The following TMEM232 variants were observed in gnomAD, a reference collection of about 807,000 sequenced individuals.
TMEM232 encodes the protein transmembrane protein 232.
Under a neutral mutation model 78.8 loss-of-function variants are expected in TMEM232, and 80 were observed. That is an observed-to-expected ratio of 1.01 (90% confidence interval 0.85 to 1.22). The LOEUF (loss-of-function observed/expected upper bound fraction) is 1.22. TMEM232 is among the 50% of genes most tolerant of loss of function. The probability of loss-of-function intolerance (pLI) is 0.00; values close to 1 mark genes in which losing one functional copy is unlikely to be tolerated. For synonymous variants in TMEM232, 297 were observed against 254.3 expected (o/e 1.17, Z -1.60); for missense variants, 881 against 742.2 (o/e 1.19, Z -2.17).
intron 1 of TMEM232, among the ~76,000 whole-genome samples, chr5:110,722,387 G>C (rs764061446): frequency 2.3e-4 from 35 of 152,124 alleles, no homozygotes; most frequent in Admixed American, 1.0e-3. Context: ...GGTTCAGTCA[G>C]TCAGTCAGCT....
intron 11 of TMEM232, among the ~76,000 whole-genome samples, chr5:110,544,210 T>G (rs1773499010): frequency 6.6e-6 from 1 of 152,084 alleles, no homozygotes; most frequent in Admixed American, 6.6e-5. Context: ...AAGAAACAAA[T>G]GGGAATTTTA....
At chr5:110,616,195 A>C (rs947456524) in intron 8 of TMEM232, among the ~76,000 whole-genome samples, 1 of 152,104 alleles carries the variant, frequency 6.6e-6, no homozygotes, top group South Asian at 2.1e-4. Flanking sequence ...ATAGTAATCA[A>C]AACAGCACGG....
chr5:110,597,991 A>G lies in TMEM232; in HGVS notation c.1276+7118T>C, dbSNP rs555458366. On this transcript the variant is annotated intron_variant, in intron 10 of 13. Transcript: ENST00000455884. ...GTCTAAAACACCAAAAGCAATGGCA[A>G]CAGAAGCCAAAATTGACAAATGGGA... Among the ~76,000 whole-genome samples, 467 of 152,318 alleles carry G rather than the reference A, an allele frequency of 3.1e-3. 3 individuals carry two copies. Among genetic ancestry groups the G allele is most frequent in the African/African-American group, 0.011 (444 of 41,572 alleles).
At position 110,605,153 on chromosome 5, in the gene TMEM232, A is replaced by G; in HGVS notation, c.1232T>C (p.Ile411Thr). Residue 411 changes from isoleucine (I) to threonine (T), a missense_variant, in exon 10 of 14, where the codon ATT becomes ACT. Physicochemically the swap from Ile to Thr is moderately conservative, Grantham distance 89. Transcript: ENST00000455884. ...AGAGAAATATTCCAAAAGACTTAAAATACTTGTTTCCTTTAATTCTGGAGG... is the reference window on the plus strand; with the variant it reads ...AGAGAAATATTCCAAAAGACTTAAAGTACTTGTTTCCTTTAATTCTGGAGG... ...SVPPELKETSILSLLEYFSSK... is the reference protein window; with the variant it reads ...SVPPELKETSTLSLLEYFSSK... The G allele has an allele frequency of 6.5e-7, 1 of 1,549,004 alleles. No individual in the cohort carries two copies. The highest frequency in any genetic ancestry group is 8.7e-7 in the Non-Finnish European group (1 of 1,145,582).
At chr5:110,438,960 G>A (rs1000471437) in intron 12 of TMEM232, among the ~76,000 whole-genome samples, 9 of 152,068 alleles carry the variant, frequency 5.9e-5, no homozygotes, top group African/African-American at 2.2e-4. Context: ...TCTTAAAGCA[G>A]GAGGTTAAAA....
At chr5:110,711,467 A>G (rs1354764818) in intron 1 of TMEM232, among the ~76,000 whole-genome samples, 1 of 152,224 alleles carries the variant, frequency 6.6e-6, no homozygotes, top group East Asian at 1.9e-4. Flanking sequence ...TATTCCTAGA[A>G]AAAAGAACAA....
chr5:110,725,166 A>G (rs918045889), intron 1 of TMEM232, among the ~76,000 whole-genome samples: 1 of 152,228 alleles, frequency 6.6e-6, no homozygotes, highest in Non-Finnish European at 1.5e-5. Context: ...GCTTCTTGGG[A>G]TGAAACTACC....
chr5:110,491,795 A>G (rs1252734206), intron 12 of TMEM232, among the ~76,000 whole-genome samples: 1 of 151,986 alleles, frequency 6.6e-6, no homozygotes, highest in African/African-American at 2.4e-5. Context: ...AAGATTTAAA[A>G]TATTATTTTG....
chr5:110,614,646 T>C (rs573843131), intron 8 of TMEM232, among the ~76,000 whole-genome samples: 16 of 152,212 alleles, frequency 1.1e-4, no homozygotes, highest in African/African-American at 3.8e-4. Flanking sequence ...TGGTAATTAT[T>C]AGAGTACTTT....
intron 1 of TMEM232, among the ~76,000 whole-genome samples, chr5:110,677,526 G>C (rs1229140443): frequency 2.0e-5 from 3 of 152,078 alleles, no homozygotes; most frequent in East Asian, 3.9e-4. Flanking sequence ...ATTGAAGTGG[G>C]TGATAATCTT....
intron 12 of TMEM232, among the ~76,000 whole-genome samples, chr5:110,524,442 AAG>A (rs1770248078): frequency 3.3e-5 from 5 of 150,634 alleles, no homozygotes; most frequent in Admixed American, 2.0e-4. Flanking sequence ...AAAGAAAAGA[AAG>A]GAAAGAAAGA....
rs531371460 is a variant in TMEM232 at position 110,511,209 on chromosome 5, C to A, written c.1703+17379G>T. Among the ~76,000 whole-genome samples, 19 of 152,240 alleles carry A rather than the reference C, an allele frequency of 1.2e-4. No homozygotes were observed. In the East Asian group the frequency reaches 3.3e-3, roughly 26 times the overall value. ...TAACAAAGGAACAGAAAACCAAATA[C>A]TGCATGTTCTCACTCGTAAGTGGGA... On this transcript the variant is annotated intron_variant, in intron 12 of 13. Coordinates refer to ENST00000455884, the MANE Select transcript of TMEM232 (RefSeq NM_001039763.4).
intron 2 of TMEM232, among the ~76,000 whole-genome samples, chr5:110,414,421 GA>G (rs1356025720): frequency 6.6e-6 from 1 of 152,120 alleles, no homozygotes; most frequent in African/African-American, 2.4e-5. Context: ...TACATGTTTA[GA>G]ACATATATCT....
intron 12 of TMEM232, among the ~76,000 whole-genome samples, chr5:110,501,900 G>T (rs1400440687): frequency 6.6e-6 from 1 of 152,128 alleles, no homozygotes. Context: ...ATCTTGTAGG[G>T]AAGTGAAATG....
At chr5:110,646,491 T>A (rs1561447060) in intron 2 of TMEM232, among the ~76,000 whole-genome samples, 1 of 151,734 alleles carries the variant, frequency 6.6e-6, no homozygotes, top group Non-Finnish European at 1.5e-5. Flanking sequence ...AGTCTCTGAA[T>A]ATCTACATGC....
chr5:110,599,924 G>A (rs1780683373), intron 10 of TMEM232, among the ~76,000 whole-genome samples: 1 of 152,058 alleles, frequency 6.6e-6, no homozygotes, highest in African/African-American at 2.4e-5. Flanking sequence ...GAAGTAAAAT[G>A]CTCTTCAGCA....
At chr5:110,438,397 G>T (rs1758666968) in intron 12 of TMEM232, among the ~76,000 whole-genome samples, 1 of 151,624 alleles carries the variant, frequency 6.6e-6, no homozygotes, top group Non-Finnish European at 1.5e-5. Context: ...CCAGCGAAGG[G>T]CCACTTAAAT....
intron 8 of TMEM232, among the ~76,000 whole-genome samples, chr5:110,611,844 T>C (rs1403481354): frequency 6.6e-6 from 1 of 152,120 alleles, no homozygotes; most frequent in Non-Finnish European, 1.5e-5. Context: ...ACCAAGGTTA[T>C]GACATTGGGA....
intron 10 of TMEM232, among the ~76,000 whole-genome samples, chr5:110,580,156 A>G (rs1379167507): frequency 1.3e-5 from 2 of 151,782 alleles, no homozygotes; most frequent in Non-Finnish European, 1.5e-5. Context: ...AAGAGCACCT[A>G]AATACAGACA....
Sources: allele counts gnomAD v4.1 joint callset (sites outside exome capture counted in the v4.1 genomes callset), GRCh38; gene constraint gnomAD v4.1.1; transcripts MANE v1.5; gene names NCBI Gene and HGNC (gene_info 2026-07-23, HGNC 2026-07-21).